The following MINDY3 variants were observed in gnomAD, a reference collection of about 807,000 sequenced individuals.
MINDY3 encodes ubiquitin carboxyl-terminal hydrolase MINDY-3.
MINDY3 carries 38 observed loss-of-function variants against 69.2 expected under a neutral mutation model. The observed-to-expected ratio is 0.55, with a 90% CI of 0.42 to 0.72. The LOEUF is 0.72. MINDY3 is among the 30% of genes least tolerant of loss of function. The pLI is 0.00. For synonymous variants in MINDY3, 192 were observed against 180.1 expected (o/e 1.07, Z -0.53); for missense variants, 522 against 519.0 (o/e 1.01, Z -0.06).
chr10:15,796,612 T>C (rs1463811027), intron 10 of MINDY3, among the ~76,000 whole-genome samples: 1 of 151,966 alleles, frequency 6.6e-6, no homozygotes, highest in African/African-American at 2.4e-5. Flanking sequence ...AGAGATTTAT[T>C]ATAGCAAATA....
At chr10:15,820,677 T>C (rs1460904221) in intron 9 of MINDY3, among the ~76,000 whole-genome samples, 2 of 152,228 alleles carry the variant, frequency 1.3e-5, no homozygotes, top group Non-Finnish European at 2.9e-5. Flanking sequence ...TTGATTATCA[T>C]ATGCATATCA....
chr10:15,845,820 T>C (rs1398756771), intron 2 of MINDY3, among the ~76,000 whole-genome samples: 2 of 139,292 alleles, frequency 1.4e-5, no homozygotes, highest in Admixed American at 1.4e-4. Flanking sequence ...GTGATTTTTT[T>C]TTTTTTTTTT....
chr10:15,804,824 T>C (rs2131925275), intron 10 of MINDY3, among the ~76,000 whole-genome samples: 1 of 152,244 alleles, frequency 6.6e-6, no homozygotes, highest in South Asian at 2.1e-4. Context: ...CAGAATTCAG[T>C]TAATCCCAAT....
intron 8 of MINDY3, 45 bp from the exon 9 acceptor site, chr10:15,821,771 G>GT: frequency 6.7e-7 from 1 of 1,485,250 alleles, no homozygotes; most frequent in East Asian, 2.3e-5. Context: ...ACTTAGCATT[G>GT]TAGTAGTGTG....
intron 8 of MINDY3, among the ~76,000 whole-genome samples, chr10:15,829,433 T>C (rs115512095): frequency 0.017 from 2,595 of 152,312 alleles, 54 homozygotes; most frequent in African/African-American, 0.056. Flanking sequence ...TGGCATATGA[T>C]TTTAAATTTC....
chr10:15,794,627 C>A (rs1219718461), intron 11 of MINDY3, among the ~76,000 whole-genome samples: 1 of 152,090 alleles, frequency 6.6e-6, no homozygotes, highest in Admixed American at 6.6e-5. Context: ...ATATGCATCT[C>A]TCACAACTCA....
intron 8 of MINDY3, among the ~76,000 whole-genome samples, chr10:15,828,296 T>C (rs1331741459): frequency 6.6e-6 from 1 of 152,206 alleles, no homozygotes; most frequent in African/African-American, 2.4e-5. Flanking sequence ...GAAAATATTA[T>C]ACTAAGTGAA....
At chr10:15,832,575 T>C (rs1832805640) in intron 8 of MINDY3, among the ~76,000 whole-genome samples, 1 of 152,198 alleles carries the variant, frequency 6.6e-6, no homozygotes, top group Non-Finnish European at 1.5e-5. Flanking sequence ...CGAATTTCAC[T>C]GTTTAAACTC....
chr10:15,782,303 G>T, intron 13 of MINDY3, 77 bp from the exon 14 acceptor site: 1 of 990,410 alleles, frequency 1.0e-6, no homozygotes, highest in Admixed American at 2.5e-5. Context: ...AAAGTAAAAT[G>T]CATGTTTCTC....
intron 10 of MINDY3, among the ~76,000 whole-genome samples, chr10:15,796,907 A>C (rs2131885917): frequency 1.3e-5 from 2 of 152,190 alleles, no homozygotes; most frequent in Middle Eastern, 6.8e-3. Context: ...ACATGAATCT[A>C]AAATGTAGGC....
chr10:15,844,151 T>A (rs1833672469), intron 2 of MINDY3, among the ~76,000 whole-genome samples: 2 of 152,138 alleles, frequency 1.3e-5, no homozygotes, highest in African/African-American at 4.8e-5. Context: ...TATGAGAAAA[T>A]CTATGTAATG....
chr10:15,832,951 C>T (rs1041225273), intron 8 of MINDY3, among the ~76,000 whole-genome samples: 5 of 151,918 alleles, frequency 3.3e-5, no homozygotes, highest in Non-Finnish European at 7.3e-5. Context: ...ATGCTACGTA[C>T]TTCAGAGAGG....
chr10:15,817,618 C>T (rs895161127), intron 9 of MINDY3: 1 of 152,180 alleles, frequency 6.6e-6, no homozygotes, highest in Non-Finnish European at 1.5e-5. Context: ...ACAGAATAGA[C>T]TTATGAAACC....
chr10:15,810,495 T>C (rs993619228), intron 10 of MINDY3, among the ~76,000 whole-genome samples: 2 of 152,174 alleles, frequency 1.3e-5, no homozygotes, highest in African/African-American at 4.8e-5. Context: ...GTTTTTCTAT[T>C]TGCCCTCCAT....
Position 15,779,742 on chromosome 10 carries a change from A to G in MINDY3, c.1189-601T>C, listed in dbSNP as rs572139616. Reference sequence around the variant, plus strand: ...ATGAAAAATCATGGAGAAAAAAATTAAAAAGGATGTCAGGACAGAAAGAAA... The same window carrying G: ...ATGAAAAATCATGGAGAAAAAAATTGAAAAGGATGTCAGGACAGAAAGAAA... On this transcript the variant is annotated intron_variant, in intron 14 of 14. Coordinates refer to ENST00000277632, the MANE Select transcript of MINDY3 (RefSeq NM_024948.4). Among the ~76,000 whole-genome samples the G allele has an allele frequency of 3.9e-5, 6 of 152,296 alleles. No homozygotes were observed. The East Asian group carries it at 1.2e-3, about 29-fold the overall frequency.
chr10:15,847,601 A>C (rs1833943153), intron 2 of MINDY3, among the ~76,000 whole-genome samples: 1 of 152,194 alleles, frequency 6.6e-6, no homozygotes, highest in East Asian at 1.9e-4. Flanking sequence ...GAAGTCAAGA[A>C]ACTTCCTAAT....
intron 11 of MINDY3, among the ~76,000 whole-genome samples, chr10:15,795,243 A>G (rs1837725427): frequency 6.6e-6 from 1 of 152,088 alleles, no homozygotes; most frequent in African/African-American, 2.4e-5. Context: ...GATACCTAAG[A>G]AAACAGTAGA....
chr10:15,857,770 C>T (rs1261592068), intron 1 of MINDY3: 1 of 187,946 alleles, frequency 5.3e-6, no homozygotes, highest in South Asian at 1.8e-4. Flanking sequence ...CAATTAAAAA[C>T]AACTATGTGC....
At chr10:15,848,651 AAAAAAAAAAAAG>A (rs1834037614) in intron 1 of MINDY3, among the ~76,000 whole-genome samples, 10 of 128,516 alleles carry the variant, frequency 7.8e-5, no homozygotes, top group Admixed American at 5.0e-4. Flanking sequence ...AAAAAAAAAA[AAAAAAAAAAAAG>A]AAAGAAAAAT....
Sources: allele counts gnomAD v4.1 joint callset (sites outside exome capture counted in the v4.1 genomes callset), GRCh38; gene constraint gnomAD v4.1.1; transcripts MANE v1.5; gene names NCBI Gene and HGNC (gene_info 2026-07-23, HGNC 2026-07-21).